Variants in CCNYL1 observed in about 807,000 individuals in gnomAD.
CCNYL1 encodes cyclin-Y-like protein 1.
Under a neutral mutation model 44.2 loss-of-function variants are expected in CCNYL1, and 16 were observed. That is an observed-to-expected ratio of 0.36 (90% CI 0.25 to 0.55). The LOEUF is 0.55. Among genes scored for constraint, CCNYL1 ranks in the 20% least tolerant of loss-of-function variants. CCNYL1 has a pLI of 0.85. For synonymous variants in CCNYL1, 159 were observed against 163.2 expected (o/e 0.97, Z 0.20); for missense variants, 348 against 451.8 (o/e 0.77, Z 2.08).
intron 8 of CCNYL1, among the ~76,000 whole-genome samples, chr2:207,750,028 T>TGTGTGGTCATGTAGCC (rs573468321): frequency 3.2e-4 from 49 of 152,346 alleles, no homozygotes; most frequent in Admixed American, 7.8e-4. Context: ...CAAGGGCAGC[T>TGTGTGGTCATGTAGCC]GTGTGGTCAT....
intron 7 of CCNYL1, 72 bp downstream of exon 7, chr2:207,742,414 A>G (rs1431056883): frequency 3.0e-6 from 4 of 1,351,214 alleles, no homozygotes; most frequent in South Asian, 3.3e-5. Context: ...CTATTTTTCA[A>G]ATAAAAATAG....
At chr2:207,726,727 A>AT (rs1244817168) in intron 2 of CCNYL1, 115 bp from the exon 3 acceptor site, 2 of 657,200 alleles carry the variant, frequency 3.0e-6, no homozygotes, top group Non-Finnish European at 5.1e-6. Flanking sequence ...GTTGGAAATT[A>AT]TTTTTTAAAT....
At chr2:207,730,250 C>CA (rs1435210635) in intron 3 of CCNYL1, among the ~76,000 whole-genome samples, 1 of 152,104 alleles carries the variant, frequency 6.6e-6, no homozygotes, top group African/African-American at 2.4e-5. Flanking sequence ...CCTGGGACTC[C>CA]AACTACATAT....
intron 7 of CCNYL1, among the ~76,000 whole-genome samples, chr2:207,742,926 T>A (rs1447763876): frequency 6.6e-6 from 1 of 152,244 alleles, no homozygotes; most frequent in African/African-American, 2.4e-5. Flanking sequence ...AGCTGTGTCC[T>A]TAACTTTATG....
At chr2:207,717,757 GAC>G (rs2091607894) in intron 1 of CCNYL1, among the ~76,000 whole-genome samples, 1 of 152,176 alleles carries the variant, frequency 6.6e-6, no homozygotes, top group Non-Finnish European at 1.5e-5. Flanking sequence ...AGGACAGAAA[GAC>G]ACAGGGTGGC....
At chr2:207,733,525 A>G (rs2091744281) in intron 3 of CCNYL1, among the ~76,000 whole-genome samples, 1 of 152,238 alleles carries the variant, frequency 6.6e-6, no homozygotes, top group Non-Finnish European at 1.5e-5. Context: ...TAAATGTAGT[A>G]TTAGGCTTTC....
chr2:207,751,127 T>A lies in CCNYL1; in HGVS notation c.969+8T>A, dbSNP rs751013422. On this transcript the variant is annotated splice_region_variant and intron_variant, in intron 9 of 9. Coordinates refer to ENST00000295414, the MANE Select transcript of CCNYL1 (RefSeq NM_001330218.2). The stretch of plus-strand genomic sequence containing the variant: ...AGAGCACAGAACCTAGAGGTAAGGC[T>A]ATGAAGTCACTAAGTGAGGTTTTCC... 1.2e-6 allele frequency: 2 copies of A among 1,610,344 alleles called. No individual in the cohort carries two copies. The highest frequency in any genetic ancestry group is 1.7e-6 in the Non-Finnish European group (2 of 1,178,374).
chr2:207,743,726 G>A (rs962816025), intron 7 of CCNYL1, among the ~76,000 whole-genome samples: 2 of 152,190 alleles, frequency 1.3e-5, no homozygotes, highest in African/African-American at 2.4e-5. Flanking sequence ...GAGAGGCTAT[G>A]GTCCCAGTGT....
At chr2:207,738,718 CTTTTT>C (rs35827443) in intron 5 of CCNYL1, among the ~76,000 whole-genome samples, 1 of 150,520 alleles carries the variant, frequency 6.6e-6, no homozygotes, top group African/African-American at 2.4e-5. Context: ...TCTCTTCTTT[CTTTTT>C]TTTTTCTTTT....
intron 3 of CCNYL1, among the ~76,000 whole-genome samples, chr2:207,733,010 G>A (rs1329406030): frequency 1.3e-5 from 2 of 152,102 alleles, no homozygotes; most frequent in African/African-American, 4.8e-5. Context: ...TTCTTGTGAG[G>A]GGTTACTCCA....
chr2:207,750,856 G>C (rs2091885964), intron 8 of CCNYL1, 101 bp from the exon 9 acceptor site: 1 of 962,866 alleles, frequency 1.0e-6, no homozygotes, highest in Admixed American at 2.5e-5. Flanking sequence ...TTTTAAAATA[G>C]AGTTTAGAGC....
At chr2:207,729,778 G>A (rs1443192526) in intron 3 of CCNYL1, among the ~76,000 whole-genome samples, 1 of 151,724 alleles carries the variant, frequency 6.6e-6, no homozygotes, top group Non-Finnish European at 1.5e-5. Context: ...TGATCTCAGC[G>A]CCCTCTGCCA....
chr2:207,722,744 A>G (rs1174225427), intron 1 of CCNYL1, among the ~76,000 whole-genome samples: 1 of 152,068 alleles, frequency 6.6e-6, no homozygotes, highest in African/African-American at 2.4e-5. Context: ...GCAGATCACA[A>G]GGTCAGGAGT....
chr2:207,724,749 C>A, intron 1 of CCNYL1, 51 bp from the exon 2 acceptor site: 1 of 1,317,732 alleles, frequency 7.6e-7, no homozygotes, highest in South Asian at 1.2e-5. Context: ...TTTCAGAAAT[C>A]ATCTTTTCTA....
In CCNYL1 at chr2:207,742,206, A is replaced by G; in HGVS notation, c.520-17A>G. 1.3e-6 allele frequency: 2 copies of G among 1,591,172 alleles called. No individual in the cohort carries two copies. The highest frequency in any genetic ancestry group is 1.7e-6 in the Non-Finnish European group (2 of 1,173,380). On this transcript the variant is annotated splice_polypyrimidine_tract_variant and intron_variant, in intron 6 of 9. Transcript: ENST00000295414. Reference sequence around the variant, plus strand: ...TTTCTTCAGTGGATACTAACATTGCATCTTTTCTTCTTTCAGCGAGAAAAA... The same window carrying G: ...TTTCTTCAGTGGATACTAACATTGCGTCTTTTCTTCTTTCAGCGAGAAAAA...
At chr2:207,737,322 G>T in intron 4 of CCNYL1, 89 bp from the exon 5 acceptor site, 1 of 955,666 alleles carries the variant, frequency 1.0e-6, no homozygotes, top group East Asian at 2.6e-5. Context: ...CGCTAGGAGG[G>T]TTCCTCCCTT....
intron 1 of CCNYL1, among the ~76,000 whole-genome samples, chr2:207,721,967 A>G (rs1329567562): frequency 6.6e-6 from 1 of 151,992 alleles, no homozygotes; most frequent in Non-Finnish European, 1.5e-5. Context: ...TGTAAGTCAC[A>G]TGCCCACCCT....
Position 207,753,568 on chromosome 2 carries a change from T to C in CCNYL1, c.970-20T>C. The C allele has an allele frequency of 6.6e-7, 1 of 1,526,370 alleles. No homozygotes were observed. The allele number at this position is 1,526,370 out of a possible 1,614,324, so 94.6% of individuals were successfully genotyped here. ...CCTTTTTAAAATTGTACCTGTTTTC[T>C]ATTTGATTGACTTTCCTAGGCTATT... On this transcript the variant is annotated intron_variant, in intron 9 of 9. Transcript: ENST00000295414.
Position 207,753,613 on chromosome 2 carries a change from A to T in CCNYL1, c.995A>T (p.Lys332Ile). The T allele has an allele frequency of 6.2e-7, 1 of 1,613,278 alleles. No individual in the cohort carries two copies. Among genetic ancestry groups the T allele is most frequent in the Non-Finnish European group, 8.5e-7 (1 of 1,179,324 alleles). ...LEAISRLCED[K>I]DLCRAAMRRS... ...GCTATTTCTAGATTGTGTGAAGACA[A>T]AGACTTGTGTAGAGCCGCTATGAGA... Residue 332 changes from lysine to isoleucine, a missense_variant, in exon 10 of 10, where the codon AAA becomes ATA. This residue lies in a region of CCNYL1 where 94 missense variants were observed against 102.4 expected (regional missense o/e 0.92). Transcript: ENST00000295414.
Sources: allele counts gnomAD v4.1 joint callset (sites outside exome capture counted in the v4.1 genomes callset), GRCh38; gene constraint gnomAD v4.1.1; regional missense constraint gnomAD v4.1.1; transcripts MANE v1.5; gene names NCBI Gene and HGNC (gene_info 2026-07-23, HGNC 2026-07-21).